The following DOCK3 variants were observed in gnomAD, a reference collection of about 807,000 sequenced individuals.
DOCK3 encodes dedicator of cytokinesis 3.
A neutral mutation model predicts 265.6 loss-of-function variants in DOCK3; 60 were observed. The ratio of observed to expected loss-of-function variants is 0.23; its 90% confidence interval spans 0.18 to 0.28. The LOEUF is 0.28. DOCK3 is among the 10% of genes least tolerant of loss of function. The probability of loss-of-function intolerance (pLI) is 1.00; values close to 1 mark genes in which losing one functional copy is unlikely to be tolerated. For missense variants in DOCK3, 1,981 were observed against 2,594.3 expected, an observed-to-expected ratio of 0.76 and a Z score of 5.14; for synonymous variants, 881 against 938.0, an observed-to-expected ratio of 0.94 and a Z score of 1.11.
At chr3:51,379,200 T>A (rs188952240) in intron 51 of DOCK3, among the ~76,000 whole-genome samples, 22 of 152,356 alleles carry the variant, frequency 1.4e-4, no homozygotes, top group Admixed American at 1.3e-3. Flanking sequence ...CATTCAGCTA[T>A]CTCATCCTGA....
intron 2 of DOCK3, among the ~76,000 whole-genome samples, chr3:50,823,665 T>C (rs944684942): frequency 1.2e-4 from 19 of 152,180 alleles, no homozygotes; most frequent in African/African-American, 4.6e-4. Context: ...TGGCCCATTC[T>C]CAATGAGCTG....
At position 51,237,771 on chromosome 3, in the gene DOCK3, G is replaced by A. The variant is rs181726141; in HGVS notation, c.2102+181G>A. ...CCATCTTAACCATTTTCTGAGTGTAGGGTTCAGTGACTTTAAGTACATTCA... is the reference window on the plus strand; with the variant it reads ...CCATCTTAACCATTTTCTGAGTGTAAGGTTCAGTGACTTTAAGTACATTCA... On this transcript the variant is annotated intron_variant, in intron 21 of 52. Coordinates refer to ENST00000266037, the MANE Select transcript of DOCK3 (RefSeq NM_004947.5). 9.9e-5 allele frequency among the ~76,000 whole-genome samples: 15 copies of A among 152,184 alleles called. No individual in the cohort carries two copies. In the East Asian group the frequency reaches 2.9e-3, roughly 29 times the overall value.
intron 5 of DOCK3, among the ~76,000 whole-genome samples, chr3:50,965,614 A>AT (rs1329845859): frequency 1.4e-4 from 22 of 152,250 alleles, no homozygotes; most frequent in African/African-American, 5.1e-4. Context: ...TGTATATAAT[A>AT]ACTGTAATAT....
intron 4 of DOCK3, among the ~76,000 whole-genome samples, chr3:50,913,925 G>A (rs2049988567): frequency 6.6e-6 from 1 of 152,126 alleles, no homozygotes; most frequent in East Asian, 1.9e-4. Context: ...CCGAATTTTA[G>A]TTCTCATAAA....
chr3:50,969,970 G>C (rs2077148604), intron 5 of DOCK3, among the ~76,000 whole-genome samples: 1 of 152,150 alleles, frequency 6.6e-6, no homozygotes, highest in Non-Finnish European at 1.5e-5. Context: ...TACTCTGGAG[G>C]CTGAGGCAGG....
At chr3:51,103,771 G>A (rs190068924) in intron 9 of DOCK3, among the ~76,000 whole-genome samples, 4 of 152,294 alleles carry the variant, frequency 2.6e-5, no homozygotes, top group Non-Finnish European at 5.9e-5. Context: ...GTTGGACTCT[G>A]TGAGCTTCCT....
chr3:51,263,085 C>G (rs2079949829), intron 23 of DOCK3, among the ~76,000 whole-genome samples: 1 of 152,278 alleles, frequency 6.6e-6, no homozygotes, highest in South Asian at 2.1e-4. Flanking sequence ...CAAAGATACT[C>G]CTCGAGAAGA....
At chr3:50,746,871 T>A (rs1156934296) in intron 1 of DOCK3, among the ~76,000 whole-genome samples, 1 of 151,982 alleles carries the variant, frequency 6.6e-6, no homozygotes, top group Non-Finnish European at 1.5e-5. Context: ...CCCAAACACC[T>A]CCTACCAGGC....
chr3:50,705,845 C>T (rs2036377735), intron 1 of DOCK3, among the ~76,000 whole-genome samples: 1 of 152,150 alleles, frequency 6.6e-6, no homozygotes, highest in Non-Finnish European at 1.5e-5. Context: ...GCCTGGCCAA[C>T]ATGGTGACAC....
chr3:50,805,858 G>T (rs966560181), intron 2 of DOCK3, among the ~76,000 whole-genome samples: 2 of 152,160 alleles, frequency 1.3e-5, no homozygotes, highest in African/African-American at 4.8e-5. Context: ...CTGCTTGGCT[G>T]GCCTGGGTCT....
In DOCK3 at chr3:50,772,537, A is replaced by T. The variant is rs534897244; in HGVS notation, c.38-6138A>T. 2.0e-5 allele frequency among the ~76,000 whole-genome samples: 3 copies of T among 152,336 alleles called. No individual in the cohort carries two copies. The South Asian group carries it at 6.2e-4, about 32-fold the overall frequency. ...ACTTATTTTCACATTGTATGCCTGT[A>T]TCAAAACATCCCGTGTATACCATAA... is the stretch of plus-strand genomic sequence containing the variant. On this transcript the variant is annotated intron_variant, in intron 1 of 52. Coordinates refer to ENST00000266037, the MANE Select transcript of DOCK3 (RefSeq NM_004947.5).
intron 49 of DOCK3, among the ~76,000 whole-genome samples, chr3:51,370,619 AC>A (rs1350232605): frequency 5.3e-5 from 8 of 152,220 alleles, no homozygotes; most frequent in African/African-American, 1.9e-4. Flanking sequence ...GGCTCTTGCC[AC>A]GGGGGCAGGT....
rs115770187 is a variant in DOCK3 at position 51,379,325 on chromosome 3, T to A, written c.5501-800T>A. On this transcript the variant is annotated intron_variant, in intron 51 of 52. Transcript: ENST00000266037. ...CTTGGCCAGCGTTTTTAGTTCCAGG[T>A]GCTGGCATGCCCCACATGTGTGCTG... 4,020 of 940,784 alleles carry A rather than the reference T, an allele frequency of 4.3e-3. 139 individuals are homozygous for A. In the African/African-American group the frequency reaches 0.067, roughly 16 times the overall value. 58.3% of individuals were successfully genotyped at this position (940,784 alleles called of 1,614,324 possible).
intron 5 of DOCK3, among the ~76,000 whole-genome samples, chr3:51,027,467 T>C (rs972582742): frequency 6.6e-6 from 1 of 151,994 alleles, no homozygotes; most frequent in Non-Finnish European, 1.5e-5. Context: ...ATTGGTTAAG[T>C]ATCCAATTTA....
At chr3:50,710,506 T>A (rs2107908863) in intron 1 of DOCK3, among the ~76,000 whole-genome samples, 1 of 152,160 alleles carries the variant, frequency 6.6e-6, no homozygotes, top group East Asian at 1.9e-4. Flanking sequence ...AAAATAATAA[T>A]AAAAAGATGT....
intron 1 of DOCK3, among the ~76,000 whole-genome samples, chr3:50,773,456 C>T (rs535482459): frequency 1.3e-5 from 2 of 152,154 alleles, no homozygotes; most frequent in African/African-American, 2.4e-5. Context: ...TCTGTGAATA[C>T]ACATGAAACA....
chr3:50,871,222 G>A (rs2047414817), intron 3 of DOCK3, among the ~76,000 whole-genome samples: 1 of 150,770 alleles, frequency 6.6e-6, no homozygotes, highest in Non-Finnish European at 1.5e-5. Context: ...CTCTGCTTTT[G>A]TTTATCTGGG....
intron 2 of DOCK3, among the ~76,000 whole-genome samples, chr3:50,817,508 G>A (rs2044156822): frequency 6.6e-6 from 1 of 151,866 alleles, no homozygotes; most frequent in African/African-American, 2.4e-5. Context: ...TGTTGCGCAG[G>A]CTAGTCTTGA....
At chr3:51,271,714 G>A (rs1004208846) in intron 24 of DOCK3, among the ~76,000 whole-genome samples, 7 of 152,182 alleles carry the variant, frequency 4.6e-5, no homozygotes, top group Non-Finnish European at 8.8e-5. Context: ...AGCTAGGCAT[G>A]GTGGCAGGCA....
Sources: allele counts gnomAD v4.1 joint callset (sites outside exome capture counted in the v4.1 genomes callset), GRCh38; gene constraint gnomAD v4.1.1; transcripts MANE v1.5; gene names NCBI Gene and HGNC (gene_info 2026-07-23, HGNC 2026-07-21).